Variants in UNC13C observed in about 807,000 individuals in gnomAD.
UNC13C encodes protein unc-13 homolog C.
In UNC13C, 174 loss-of-function variants were observed where a neutral mutation model predicts 245.4. The ratio of observed to expected loss-of-function variants is 0.71; its 90% CI spans 0.63 to 0.80. The LOEUF is 0.80. Ranked by LOEUF, UNC13C falls within the 30% of genes least tolerant of loss-of-function variation. The pLI, the probability that UNC13C is intolerant of heterozygous loss-of-function variation, is 0.00. For missense variants in UNC13C, 2,829 were observed against 2,602.9 expected (o/e 1.09, Z -1.89); for synonymous variants, 992 against 895.1 (o/e 1.11, Z -1.93).
intron 4 of UNC13C, among the ~76,000 whole-genome samples, chr15:54,220,969 C>A (rs774249988): frequency 6.6e-6 from 1 of 152,004 alleles, no homozygotes; most frequent in Non-Finnish European, 1.5e-5. Context: ...CACAGATGCT[C>A]TTGCTGGCTT....
At chr15:53,993,878 G>A (rs1180912080) in intron 1 of UNC13C, among the ~76,000 whole-genome samples, 1 of 151,940 alleles carries the variant, frequency 6.6e-6, no homozygotes, top group Non-Finnish European at 1.5e-5. Flanking sequence ...GACAAACACA[G>A]GTATAATTGG....
the UNC13C span, among the ~76,000 whole-genome samples, chr15:53,893,815 G>A: frequency 6.6e-6 from 1 of 152,224 alleles, no homozygotes; most frequent in Non-Finnish European, 1.5e-5. Flanking sequence ...CACAGAGCCA[G>A]ACCACTTGGG....
At chr15:53,933,391 G>T in the UNC13C span, among the ~76,000 whole-genome samples, 2 of 152,002 alleles carry the variant, frequency 1.3e-5, no homozygotes, top group African/African-American at 4.8e-5. Flanking sequence ...CTGTCAACAT[G>T]TATTACCACA....
At chr15:54,249,838 C>G (rs915883901) in intron 7 of UNC13C, among the ~76,000 whole-genome samples, 3 of 152,098 alleles carry the variant, frequency 2.0e-5, no homozygotes, top group African/African-American at 7.2e-5. Flanking sequence ...GGTGAAGTGT[C>G]AGGGAGGACA....
intron 13 of UNC13C, among the ~76,000 whole-genome samples, chr15:54,305,448 T>C (rs1489529055): frequency 6.6e-6 from 1 of 152,100 alleles, no homozygotes; most frequent in East Asian, 1.9e-4. Context: ...AAATGATGCT[T>C]TTGCAATTGA....
At chr15:54,480,649 C>T (rs189294563) in intron 19 of UNC13C, among the ~76,000 whole-genome samples, 17 of 151,830 alleles carry the variant, frequency 1.1e-4, no homozygotes, top group African/African-American at 3.9e-4. Context: ...TATCTGGGTT[C>T]TCTTGCTCTG....
At position 54,628,257 on chromosome 15, in the gene UNC13C, T is replaced by C. The variant is rs895517368; in HGVS notation, c.*1144T>C. ...AATATGTGCATTTTCTGTATTGTTA[T>C]GATTTGACTTTTTAGAGTCTATGCC... On this transcript the variant is annotated 3_prime_UTR_variant, in exon 33 of 33. Transcript: ENST00000260323. The C allele has an allele frequency of 5.3e-5, 8 of 152,196 alleles. No individual in the cohort carries two copies. Among genetic ancestry groups the C allele is most frequent in the Non-Finnish European group, 7.4e-5 (5 of 68,026 alleles). The allele number at this position is 152,196 out of a possible 1,614,324, so 9.4% of individuals were successfully genotyped here. A position where few individuals can be genotyped will look rare whatever the true frequency, so the allele number is the denominator to read the frequency against.
At chr15:53,967,220 A>G in the UNC13C span, among the ~76,000 whole-genome samples, 1 of 152,156 alleles carries the variant, frequency 6.6e-6, no homozygotes, top group East Asian at 1.9e-4. Context: ...GGATATCATT[A>G]TGCTTCATAT....
intron 19 of UNC13C, among the ~76,000 whole-genome samples, chr15:54,456,233 A>G (rs1172795705): frequency 6.6e-6 from 1 of 152,082 alleles, no homozygotes; most frequent in Non-Finnish European, 1.5e-5. Flanking sequence ...TACCAATATC[A>G]TGCTGTTTTG....
At chr15:54,212,222 A>C (rs1363665949) in intron 4 of UNC13C, among the ~76,000 whole-genome samples, 1 of 152,120 alleles carries the variant, frequency 6.6e-6, no homozygotes, top group South Asian at 2.1e-4. Context: ...CTAAGCTTTC[A>C]TCATGCCAAA....
chr15:54,199,848 G>C (rs4776214), intron 4 of UNC13C, among the ~76,000 whole-genome samples: 115,916 of 152,034 alleles, frequency 0.76, 44,443 homozygotes, highest in Non-Finnish European at 0.78. Flanking sequence ...CATCTCAATA[G>C]TAACATTGAA....
intron 4 of UNC13C, among the ~76,000 whole-genome samples, chr15:54,185,897 C>A (rs1351733049): frequency 7.3e-5 from 11 of 150,080 alleles, no homozygotes; most frequent in East Asian, 3.9e-4. Context: ...TCTTCCTACC[C>A]ATGAGCATGG....
intron 25 of UNC13C, 100 bp downstream of exon 25, chr15:54,525,737 T>C: frequency 1.0e-6 from 1 of 976,300 alleles, no homozygotes; most frequent in South Asian, 1.5e-5. Flanking sequence ...CTAAATCTAC[T>C]TAACTTCAAG....
intron 7 of UNC13C, among the ~76,000 whole-genome samples, chr15:54,240,938 G>A (rs971636896): frequency 2.0e-5 from 3 of 152,106 alleles, no homozygotes; most frequent in African/African-American, 7.2e-5. Context: ...TCTGCTATGT[G>A]TCAGGTGTTG....
intron 4 of UNC13C, among the ~76,000 whole-genome samples, chr15:54,199,954 A>G (rs944961097): frequency 3.3e-5 from 5 of 152,126 alleles, no homozygotes; most frequent in African/African-American, 1.2e-4. Context: ...CTGATAACAA[A>G]TAAGGACTCA....
intron 1 of UNC13C, among the ~76,000 whole-genome samples, chr15:54,010,614 C>A (rs1187711161): frequency 6.6e-6 from 1 of 152,016 alleles, no homozygotes. Flanking sequence ...ATGGGAGTGA[C>A]AGAAAATAAG....
chr15:54,439,327 G>A (rs763581635), intron 19 of UNC13C, among the ~76,000 whole-genome samples: 2 of 152,062 alleles, frequency 1.3e-5, no homozygotes, highest in Admixed American at 1.3e-4. Context: ...TAAGAACCCA[G>A]TGCCTTTGGT....
At chr15:54,243,848 T>C (rs1449616739) in intron 7 of UNC13C, among the ~76,000 whole-genome samples, 1 of 152,212 alleles carries the variant, frequency 6.6e-6, no homozygotes, top group Non-Finnish European at 1.5e-5. Flanking sequence ...TGTAAATTTG[T>C]TTAAGTTCCT....
chr15:53,903,981 G>A, the UNC13C span, among the ~76,000 whole-genome samples: 4 of 152,216 alleles, frequency 2.6e-5, no homozygotes, highest in Admixed American at 2.6e-4. Flanking sequence ...CATTGTGCAG[G>A]GACATAGAAG....
Sources: allele counts gnomAD v4.1 joint callset (sites outside exome capture counted in the v4.1 genomes callset), GRCh38; gene constraint gnomAD v4.1.1; transcripts MANE v1.5; gene names NCBI Gene and HGNC (gene_info 2026-07-23, HGNC 2026-07-21).